Variants in PRKCA observed in about 807,000 individuals in gnomAD.
PRKCA encodes the protein protein kinase C alpha type.
In PRKCA, 27 loss-of-function variants were observed where a neutral mutation model predicts 87.0. That is an observed-to-expected ratio of 0.31 (90% CI 0.23 to 0.43). The LOEUF (loss-of-function observed/expected upper bound fraction) is 0.43, where lower values mean the gene tolerates loss of function less well. Ranked by LOEUF, PRKCA falls within the 20% of genes least tolerant of loss-of-function variation. PRKCA has a pLI of 1.00. For missense variants in PRKCA, 518 were observed against 852.3 expected, an observed-to-expected ratio of 0.61 and a Z score of 4.88; for synonymous variants, 329 against 311.1, an observed-to-expected ratio of 1.06 and a Z score of -0.61.
intron 2 of PRKCA, among the ~76,000 whole-genome samples, chr17:66,442,628 T>C (rs1329681674): frequency 6.6e-6 from 1 of 152,146 alleles, no homozygotes; most frequent in African/African-American, 2.4e-5. Flanking sequence ...TTTTTCTTCA[T>C]AGCCTCCATC....
intron 2 of PRKCA, among the ~76,000 whole-genome samples, chr17:66,378,900 C>CAAAAAAAAAAA (rs35793230): frequency 7.5e-6 from 1 of 132,860 alleles, no homozygotes. Flanking sequence ...GACTCCATCT[C>CAAAAAAAAAAA]AAAAAAAAAA....
intron 3 of PRKCA, among the ~76,000 whole-genome samples, chr17:66,605,420 C>T (rs1218178668): frequency 6.6e-6 from 1 of 152,182 alleles, no homozygotes; most frequent in East Asian, 1.9e-4. Flanking sequence ...ACATTCTTCA[C>T]ACTCACTGGG....
intron 3 of PRKCA, among the ~76,000 whole-genome samples, chr17:66,603,914 G>T (rs1333080445): frequency 3.3e-5 from 5 of 152,088 alleles, no homozygotes; most frequent in African/African-American, 9.7e-5. Context: ...AAGTCCTCAG[G>T]GTTCATTCAT....
intron 12 of PRKCA, 151 bp from the exon 13 acceptor site, chr17:66,742,471 C>A: frequency 3.7e-6 from 3 of 808,972 alleles, no homozygotes; most frequent in Non-Finnish European, 6.0e-6. Flanking sequence ...GATATCAACA[C>A]ACATTGACTT....
intron 2 of PRKCA, among the ~76,000 whole-genome samples, chr17:66,326,848 C>T (rs1302621614): frequency 6.6e-6 from 1 of 152,092 alleles, no homozygotes; most frequent in East Asian, 1.9e-4. Context: ...AAGTTTGATC[C>T]AGGGGAGATT....
intron 2 of PRKCA, among the ~76,000 whole-genome samples, chr17:66,374,277 T>C (rs1457522993): frequency 6.6e-6 from 1 of 152,164 alleles, no homozygotes; most frequent in Non-Finnish European, 1.5e-5. Context: ...TGTCCCCGCT[T>C]TGCCAGCTCT....
intron 2 of PRKCA, among the ~76,000 whole-genome samples, chr17:66,374,739 T>TC: frequency 1.3e-5 from 2 of 149,152 alleles, no homozygotes. Context: ...TTTTTTTTTT[T>TC]CTTTCTGAGA....
intron 2 of PRKCA, among the ~76,000 whole-genome samples, chr17:66,330,598 C>A (rs1906270101): frequency 6.6e-6 from 1 of 152,172 alleles, no homozygotes; most frequent in Non-Finnish European, 1.5e-5. Context: ...GCATTTGTTG[C>A]TGCTTGAGAG....
chr17:66,336,636 A>G (rs1906684400), intron 2 of PRKCA, among the ~76,000 whole-genome samples: 1 of 131,878 alleles, frequency 7.6e-6, no homozygotes, highest in African/African-American at 4.1e-5. Flanking sequence ...AGTACCTGTT[A>G]TATAGTAAAT....
intron 2 of PRKCA, among the ~76,000 whole-genome samples, chr17:66,454,115 A>T (rs552415981): frequency 1.3e-5 from 2 of 152,332 alleles, no homozygotes; most frequent in East Asian, 3.9e-4. Context: ...AATGACTCAA[A>T]ATTATACAAT....
intron 8 of PRKCA, among the ~76,000 whole-genome samples, chr17:66,699,486 A>G (rs1973010808): frequency 6.6e-6 from 1 of 152,228 alleles, no homozygotes; most frequent in Admixed American, 6.6e-5. Flanking sequence ...ATAAAGAAAT[A>G]GAAAATCTGA....
chr17:66,466,337 C>A (rs1400749588), intron 2 of PRKCA, among the ~76,000 whole-genome samples: 1 of 152,076 alleles, frequency 6.6e-6, no homozygotes, highest in East Asian at 1.9e-4. Flanking sequence ...CCCAGGTGTC[C>A]CAGCTGGAAG....
chr17:66,307,592 A>G (rs1467207807), intron 2 of PRKCA, among the ~76,000 whole-genome samples: 2 of 152,172 alleles, frequency 1.3e-5, no homozygotes, highest in Non-Finnish European at 2.9e-5. Context: ...TTTTCTGCAT[A>G]AATAAAAAAT....
At chr17:66,710,180 C>A (rs1273632343) in intron 8 of PRKCA, among the ~76,000 whole-genome samples, 1 of 151,426 alleles carries the variant, frequency 6.6e-6, no homozygotes, top group South Asian at 2.1e-4. Context: ...ACTTCCTACC[C>A]CTCCAAGGGT....
chr17:66,510,610 C>G (rs1917182339), intron 3 of PRKCA, among the ~76,000 whole-genome samples: 1 of 152,152 alleles, frequency 6.6e-6, no homozygotes, highest in Non-Finnish European at 1.5e-5. Context: ...TGATCACTGC[C>G]TTTCTGGGTA....
intron 3 of PRKCA, among the ~76,000 whole-genome samples, chr17:66,499,725 T>C (rs1045036472): frequency 6.6e-6 from 1 of 152,206 alleles, no homozygotes; most frequent in Non-Finnish European, 1.5e-5. Context: ...CTGTAGATGC[T>C]GAGTCTTACA....
intron 2 of PRKCA, among the ~76,000 whole-genome samples, chr17:66,445,106 G>T (rs1913967172): frequency 6.6e-6 from 1 of 152,264 alleles, no homozygotes; most frequent in African/African-American, 2.4e-5. Flanking sequence ...ATTGACCCAG[G>T]GTGGGACTTC....
intron 3 of PRKCA, among the ~76,000 whole-genome samples, chr17:66,535,095 C>T (rs1287498832): frequency 2.6e-5 from 4 of 152,176 alleles, no homozygotes; most frequent in Non-Finnish European, 5.9e-5. Flanking sequence ...TCTGAGACTG[C>T]GCTGTTACCA....
At chr17:66,645,315 C>T in intron 4 of PRKCA, 68 bp from the exon 5 acceptor site, 1 of 1,606,678 alleles carries the variant, frequency 6.2e-7, no homozygotes, top group Non-Finnish European at 8.5e-7. Flanking sequence ...TGCTCATGCA[C>T]CAAAACACTG....
Sources: gnomAD v4.1 joint callset for allele counts (sites outside exome capture counted in the v4.1 genomes callset) on GRCh38, gnomAD v4.1.1 for gene constraint, MANE v1.5 for transcripts, NCBI Gene and HGNC (gene_info 2026-07-23, HGNC 2026-07-21) for gene names.